JADE2: variants seen among roughly 807,000 people sequenced by gnomAD.
JADE2 encodes the protein jade family PHD finger 2.
In JADE2, 13 loss-of-function variants were observed where a neutral mutation model predicts 85.7. The ratio of observed to expected loss-of-function variants is 0.15; its 90% CI spans 0.10 to 0.24. The LOEUF is 0.24. Among genes scored for constraint, JADE2 ranks in the 10% least tolerant of loss-of-function variants. The probability of loss-of-function intolerance (pLI) is 1.00; values close to 1 mark genes in which losing one functional copy is unlikely to be tolerated. For missense variants in JADE2, 846 were observed against 1,115.9 expected, an observed-to-expected ratio of 0.76 and a Z score of 3.45; for synonymous variants, 440 against 456.1, an observed-to-expected ratio of 0.96 and a Z score of 0.45.
Position 134,562,137 on chromosome 5 carries a change from G to A in JADE2, c.685-63G>A, listed in dbSNP as rs1763361885. 6.6e-7 allele frequency: 1 copy of A among 1,508,442 alleles called. No homozygotes were observed. The highest frequency in any genetic ancestry group is 9.0e-7 in the Non-Finnish European group (1 of 1,114,772). The allele number at this position is 1,508,442 out of a possible 1,614,324, so 93.4% of individuals were successfully genotyped here. A position where few individuals can be genotyped will look rare whatever the true frequency, so the allele number is the denominator to read the frequency against. ...GGCTGGCACTGGACCAAATGCAGCTGACTGCTGACCAGACACAGATTGGCC... is the reference window on the plus strand; with the variant it reads ...GGCTGGCACTGGACCAAATGCAGCTAACTGCTGACCAGACACAGATTGGCC... On this transcript the variant is annotated intron_variant, in intron 6 of 11. Coordinates refer to ENST00000681547, the MANE Select transcript of JADE2 (RefSeq NM_001388185.1). This position sits in a 1 kb window ranked among gnomAD's most constrained non-coding sequence, Gnocchi z 4.6.
At position 134,535,910 on chromosome 5, in the gene JADE2, C is replaced by G. The variant is rs367932754; in HGVS notation, c.53C>G (p.Thr18Ser). 3.2e-5 allele frequency: 52 copies of G among 1,613,658 alleles called. No individual in the cohort carries two copies. Among genetic ancestry groups the G allele is most frequent in the Non-Finnish European group, 3.9e-5 (46 of 1,179,680 alleles). ...YSISSDNSDT[T>S]DSHATSTSAS... The stretch of plus-strand genomic sequence containing the variant: ...ATCAGCAGTGACAACTCTGACACCA[C>G]TGACAGTAAGGCCTTCCAGTTTGGG... The change falls in exon 2 of 12, where the codon ACT (threonine) becomes AGT (serine). Residue 18 changes from threonine (T) to serine (S), a missense_variant. Thr to Ser is a moderately conservative substitution (Grantham distance 58). This residue lies in a region of JADE2 where 47 missense variants were observed against 42.2 expected (regional missense o/e 1.11). Coordinates refer to ENST00000681547, the MANE Select transcript of JADE2 (RefSeq NM_001388185.1).
intron 11 of JADE2, 124 bp downstream of exon 11, chr5:134,577,020 C>A: frequency 8.5e-7 from 1 of 1,179,740 alleles, no homozygotes; most frequent in Non-Finnish European, 1.2e-6. Context: ...GAGCGGTAAC[C>A]AGGCCCTTGC....
At chr5:134,545,354 A>C (rs1335586908) in intron 3 of JADE2, among the ~76,000 whole-genome samples, 1 of 152,140 alleles carries the variant, frequency 6.6e-6, no homozygotes, top group African/African-American at 2.4e-5. Flanking sequence ...AATTCTCTTT[A>C]AGAGCAGGAA....
intron 3 of JADE2, among the ~76,000 whole-genome samples, chr5:134,545,488 C>T (rs999088064): frequency 2.0e-5 from 3 of 151,776 alleles, no homozygotes; most frequent in African/African-American, 7.3e-5. Flanking sequence ...TAGCTATTCT[C>T]ATAGCCCTTC....
chr5:134,550,052 T>C (rs1029826152), intron 3 of JADE2, among the ~76,000 whole-genome samples: 4 of 152,252 alleles, frequency 2.6e-5, no homozygotes, highest in African/African-American at 9.6e-5. Flanking sequence ...GAGTGTGCCC[T>C]TTTGCATTAA....
At chr5:134,557,231 T>A (rs199640245) in intron 4 of JADE2, among the ~76,000 whole-genome samples, 19 of 144,480 alleles carry the variant, frequency 1.3e-4, no homozygotes, top group African/African-American at 2.0e-4. Flanking sequence ...GATTATTATT[T>A]TTTTTGTTGT....
In JADE2 at chr5:134,556,951, A is replaced by AT. The variant is rs1561746591; in HGVS notation, c.312-2879_312-2878insT. ...CACAGCACACAACACATACACACACACCACACACACACCTCACACATCACA... is the reference window on the plus strand; with the variant it reads ...CACAGCACACAACACATACACACACATCCACACACACACCTCACACATCACA... On this transcript the variant is annotated intron_variant, in intron 4 of 11. Transcript: ENST00000681547. 1.1e-3 allele frequency among the ~76,000 whole-genome samples: 151 copies of AT among 140,802 alleles called. 1 individual carries two copies. Among genetic ancestry groups the AT allele is most frequent in the Middle Eastern group, 3.6e-3 (1 of 276 alleles). 92.4% of individuals were successfully genotyped at this position (140,802 alleles called of 152,430 possible).
intron 4 of JADE2, among the ~76,000 whole-genome samples, chr5:134,553,416 C>T (rs950012555): frequency 1.4e-5 from 2 of 147,214 alleles, no homozygotes; most frequent in Admixed American, 6.9e-5. Context: ...TAGAGTGGTG[C>T]GATCTTGGCT....
In JADE2 at chr5:134,578,256, A is replaced by G. The variant is rs966556696; in HGVS notation, c.1682-238A>G. On this transcript the variant is annotated intron_variant, in intron 11 of 11. Transcript: ENST00000681547. The surrounding 1 kb of genome is among the most constrained non-coding windows in gnomAD (Gnocchi z 4.4). ...ATTTTCATTTTACACTCTAGCCCAC[A>G]AATTATGAAGCCCATCTTGAGGGCA... Among the ~76,000 whole-genome samples, 31 of 152,356 alleles carry G rather than the reference A, an allele frequency of 2.0e-4. No individual in the cohort carries two copies. Among genetic ancestry groups the G allele is most frequent in the African/African-American group, 6.7e-4 (28 of 41,578 alleles).
chr5:134,539,449 T>C (rs1015210158), intron 3 of JADE2, among the ~76,000 whole-genome samples: 1 of 152,216 alleles, frequency 6.6e-6, no homozygotes, highest in African/African-American at 2.4e-5. Flanking sequence ...TCCACCTGCC[T>C]CGGCCTCCCA....
At chr5:134,553,899 G>A (rs1006487914) in intron 4 of JADE2, among the ~76,000 whole-genome samples, 6 of 152,288 alleles carry the variant, frequency 3.9e-5, no homozygotes, top group Admixed American at 2.6e-4. Flanking sequence ...CTCCAGCTAC[G>A]GAGTTCAGCC....
intron 10 of JADE2, 66 bp downstream of exon 10, chr5:134,573,828 G>T (rs1341997178): frequency 9.9e-7 from 1 of 1,010,758 alleles, no homozygotes; most frequent in South Asian, 1.3e-5. Flanking sequence ...TGGGTCCCAA[G>T]GAGGGTGTGT....
chr5:134,566,361 C>T lies in JADE2; in HGVS notation c.1215C>T (p.Tyr405=), dbSNP rs751180082. The part of the protein sequence containing the change: ...QRLQQLEEDF[Y]ELVEPAEVAE... ...TGCAGCAGCTAGAGGAGGACTTCTA[C>T]GAGCTGGTGGAGCCGGCTGAGGTGG... The change falls in exon 9 of 12, where the codon TAC becomes TAT. Residue 405 remains tyrosine, a synonymous_variant. Transcript: ENST00000681547. This position sits in a 1 kb window ranked among gnomAD's most constrained non-coding sequence, Gnocchi z 6.7. The T allele has an allele frequency of 2.7e-5, 43 of 1,613,910 alleles. No individual in the cohort carries two copies. Among genetic ancestry groups the T allele is most frequent in the Admixed American group, 6.7e-5 (4 of 60,010 alleles).
At chr5:134,560,671 A>G (rs1423403715) in intron 5 of JADE2, 75 bp from the exon 6 acceptor site, 3 of 1,318,796 alleles carry the variant, frequency 2.3e-6, no homozygotes, top group South Asian at 1.3e-5. Context: ...CTGCAACTCC[A>G]GGAGCCAAGT....
At chr5:134,561,032 C>A in intron 6 of JADE2, 75 bp downstream of exon 6, 1 of 1,290,652 alleles carries the variant, frequency 7.7e-7, no homozygotes. Context: ...CCACTTGGCT[C>A]TCCAGGGGCA....
At chr5:134,571,509 C>T (rs564086982) in intron 9 of JADE2, among the ~76,000 whole-genome samples, 31 of 152,240 alleles carry the variant, frequency 2.0e-4, no homozygotes, top group Admixed American at 4.6e-4. Flanking sequence ...CTAGCCTGGC[C>T]AACATGGTGA....
intron 10 of JADE2, chr5:134,574,032 C>G: frequency 1.9e-6 from 1 of 529,806 alleles, no homozygotes; most frequent in Admixed American, 3.1e-5. Flanking sequence ...GACTAGGCCA[C>G]AGCAGTTCAG....
At chr5:134,526,771 G>A in intron 1 of JADE2, 1 of 985,382 alleles carries the variant, frequency 1.0e-6, no homozygotes, top group Non-Finnish European at 1.2e-6. Context: ...GAGTGTGGAG[G>A]GTGCGGAGCC....
intron 7 of JADE2, among the ~76,000 whole-genome samples, chr5:134,563,093 G>A (rs906608761): frequency 6.6e-6 from 1 of 151,984 alleles, no homozygotes; most frequent in African/African-American, 2.4e-5. Context: ...CGAGGTGGGT[G>A]AATCACTTGA....
Sources: allele counts gnomAD v4.1 joint callset (sites outside exome capture counted in the v4.1 genomes callset), GRCh38; gene constraint gnomAD v4.1.1; regional missense constraint gnomAD v4.1.1; non-coding constraint Gnocchi (gnomAD v3.1); transcripts MANE v1.5; gene names NCBI Gene and HGNC (gene_info 2026-07-23, HGNC 2026-07-21).